Variants in CAMTA1 observed in about 807,000 individuals in gnomAD.
CAMTA1 encodes the protein calmodulin binding transcription activator 1, also known as calmodulin-binding transcription activator 1.
In CAMTA1, 27 loss-of-function variants were observed where a neutral mutation model predicts 170.9. That is an observed-to-expected ratio of 0.16 (90% CI 0.12 to 0.22). The LOEUF (loss-of-function observed/expected upper bound fraction) is 0.22. Ranked by LOEUF, CAMTA1 falls within the 10% of genes least tolerant of loss-of-function variation. The pLI, the probability that CAMTA1 is intolerant of heterozygous loss-of-function variation, is 1.00. For synonymous variants in CAMTA1, 833 were observed against 891.5 expected, an observed-to-expected ratio of 0.93 and a Z score of 1.17; for missense variants, 1,619 against 2,217.2, an observed-to-expected ratio of 0.73 and a Z score of 5.42.
chr1:7,092,177 G>T lies in CAMTA1; in HGVS notation c.302+806G>T, dbSNP rs1386512690. On this transcript the variant is annotated intron_variant, in intron 4 of 22. Transcript: ENST00000303635. This position sits in a 1 kb window ranked among gnomAD's most constrained non-coding sequence, Gnocchi z 5.0. ...CTGGCGGGGTGGTAGCTGGAGTGTG[G>T]TTTACACAGGATGCCTGGACTGCAG... 6.6e-6 allele frequency among the ~76,000 whole-genome samples: 1 copy of T among 152,206 alleles called. No individual in the cohort carries two copies. The highest frequency in any genetic ancestry group is 1.5e-5 in the Non-Finnish European group (1 of 68,038).
chr1:6,903,954 CTG>C (rs1356385502), intron 3 of CAMTA1, among the ~76,000 whole-genome samples: 2 of 152,254 alleles, frequency 1.3e-5, no homozygotes, highest in Non-Finnish European at 2.9e-5. Context: ...CATTACCACT[CTG>C]TTGACGATTC....
At chr1:7,476,178 G>A (rs1011126) in intron 6 of CAMTA1, among the ~76,000 whole-genome samples, 49,471 of 152,182 alleles carry the variant, frequency 0.33, 8,962 homozygotes, top group Middle Eastern at 0.46. Flanking sequence ...CTCGGCAGGG[G>A]ACACTGAGCC....
chr1:6,894,903 G>A (rs1021061358), intron 3 of CAMTA1, among the ~76,000 whole-genome samples: 20 of 152,204 alleles, frequency 1.3e-4, no homozygotes, highest in African/African-American at 4.3e-4. Context: ...CTGGTAAAAG[G>A]AAGCAGAAAA....
At chr1:7,391,690 G>A (rs2088737913) in intron 5 of CAMTA1, among the ~76,000 whole-genome samples, 1 of 151,832 alleles carries the variant, frequency 6.6e-6, no homozygotes, top group African/African-American at 2.4e-5. Context: ...CAGCCTCTGG[G>A]AATGAATGGC....
At chr1:6,967,267 G>A (rs76154655) in intron 3 of CAMTA1, among the ~76,000 whole-genome samples, 210 of 150,842 alleles carry the variant, frequency 1.4e-3, no homozygotes, top group African/African-American at 4.8e-3. Flanking sequence ...AAAAATCAGG[G>A]TTAAGCCCAT....
Position 7,766,559 on chromosome 1 carries a change from C to T in CAMTA1, c.*68C>T. The T allele has an allele frequency of 7.2e-7, 1 of 1,398,094 alleles. No homozygotes were observed. The highest frequency in any genetic ancestry group is 1.0e-6 in the Non-Finnish European group (1 of 984,150). The allele number at this position is 1,398,094 out of a possible 1,614,324, so 86.6% of individuals were successfully genotyped here. A position where few individuals can be genotyped will look rare whatever the true frequency, so the allele number is the denominator to read the frequency against. ...AGACTGTTTTCATTTCTGTTTTTAG[C>T]AGAGACATGCAACAACAACACACAC... On this transcript the variant is annotated 3_prime_UTR_variant, in exon 23 of 23. Transcript: ENST00000303635.
At chr1:6,828,011 A>G (rs1322011179) in intron 3 of CAMTA1, among the ~76,000 whole-genome samples, 1 of 152,176 alleles carries the variant, frequency 6.6e-6, no homozygotes, top group African/African-American at 2.4e-5. Context: ...TGTGTTTTCC[A>G]TCTCACTCCC....
At chr1:7,012,073 T>C (rs1282460226) in intron 3 of CAMTA1, among the ~76,000 whole-genome samples, 1 of 152,172 alleles carries the variant, frequency 6.6e-6, no homozygotes, top group Non-Finnish European at 1.5e-5. Flanking sequence ...ACCCAGCCCT[T>C]GCCTTGCCCC....
chr1:7,245,242 A>G lies in CAMTA1; in HGVS notation c.303-4249A>G, dbSNP rs560012955. ...CACACACACACACATACATACATAC[A>G]TACACACACATACATACAATGTCTA... On this transcript the variant is annotated intron_variant, in intron 4 of 22. Transcript: ENST00000303635. 1.2e-4 allele frequency among the ~76,000 whole-genome samples: 18 copies of G among 151,218 alleles called. 1 individual carries two copies. In the South Asian group the frequency reaches 3.1e-3, roughly 26 times the overall value.
intron 7 of CAMTA1, among the ~76,000 whole-genome samples, chr1:7,646,701 TG>T (rs1163522771): frequency 6.9e-6 from 1 of 145,596 alleles, no homozygotes; most frequent in Non-Finnish European, 1.5e-5. Context: ...GTGAAAGTCA[TG>T]GTGAGTTGGG....
intron 4 of CAMTA1, among the ~76,000 whole-genome samples, chr1:7,181,753 G>A (rs1652206821): frequency 7.7e-6 from 1 of 129,404 alleles, no homozygotes. Context: ...GATTTTGGAT[G>A]GATTGATTTA....
chr1:7,211,396 C>A (rs1215603465), intron 4 of CAMTA1, among the ~76,000 whole-genome samples: 1 of 152,178 alleles, frequency 6.6e-6, no homozygotes, highest in Non-Finnish European at 1.5e-5. Flanking sequence ...TCTTTCTAAC[C>A]AGTTCTTTCT....
chr1:6,872,771 T>G (rs1024530213), intron 3 of CAMTA1, among the ~76,000 whole-genome samples: 1 of 152,214 alleles, frequency 6.6e-6, no homozygotes, highest in Non-Finnish European at 1.5e-5. Flanking sequence ...AGAAATCATG[T>G]CCTTAAAAAA....
chr1:7,455,649 C>G lies in CAMTA1; in HGVS notation c.439-12181C>G, dbSNP rs1034841299. On this transcript the variant is annotated intron_variant, in intron 5 of 22. Transcript: ENST00000303635. This position sits in a 1 kb window ranked among gnomAD's most constrained non-coding sequence, Gnocchi z 5.0. ...ACATGTTGGAGTGTGCCGTGGATAC[C>G]TACGTGGCGTCACAGGTGCCTAGAG... Among the ~76,000 whole-genome samples, 2 of 152,198 alleles carry G rather than the reference C, an allele frequency of 1.3e-5. No homozygotes were observed. Among genetic ancestry groups the G allele is most frequent in the African/African-American group, 4.8e-5 (2 of 41,460 alleles).
Position 7,412,195 on chromosome 1 carries a change from C to T in CAMTA1, c.439-55635C>T, listed in dbSNP as rs555326551. On this transcript the variant is annotated intron_variant, in intron 5 of 22. Coordinates refer to ENST00000303635, the MANE Select transcript of CAMTA1 (RefSeq NM_015215.4). ...TGGGTTGGTTCCAAGTCTTTGCTATCGTGAATAGTGCTGCAATAAACATAC... is the reference window on the plus strand; with the variant it reads ...TGGGTTGGTTCCAAGTCTTTGCTATTGTGAATAGTGCTGCAATAAACATAC... Among the ~76,000 whole-genome samples, 228 of 152,010 alleles carry T rather than the reference C, an allele frequency of 1.5e-3. 1 individual carries two copies. The highest frequency in any genetic ancestry group is 4.8e-3 in the African/African-American group (199 of 41,466).
intron 6 of CAMTA1, among the ~76,000 whole-genome samples, chr1:7,506,550 A>G (rs1010137838): frequency 6.6e-6 from 1 of 152,094 alleles, no homozygotes; most frequent in African/African-American, 2.4e-5. Flanking sequence ...TAATGTACAC[A>G]TGCTCACAAG....
At position 7,338,216 on chromosome 1, in the gene CAMTA1, C is replaced by T. The variant is rs554797625; in HGVS notation, c.438+88590C>T. ...TTGGTACTCACCCAGCACCCAGTCC[C>T]GTTAGGTCCCAGAAAGAAGGATGCA... On this transcript the variant is annotated intron_variant, in intron 5 of 22. Transcript: ENST00000303635. Among the ~76,000 whole-genome samples the T allele has an allele frequency of 2.2e-3, 334 of 152,154 alleles. 1 individual carries two copies. The highest frequency in any genetic ancestry group is 7.7e-3 in the African/African-American group (319 of 41,480).
intron 5 of CAMTA1, among the ~76,000 whole-genome samples, chr1:7,323,645 C>T (rs1056617414): frequency 4.0e-5 from 6 of 151,672 alleles, no homozygotes; most frequent in Non-Finnish European, 8.8e-5. Flanking sequence ...GCCTCAGCCT[C>T]CTGAGTCGGT....
intron 6 of CAMTA1, among the ~76,000 whole-genome samples, chr1:7,531,090 T>C (rs1028215763): frequency 1.7e-4 from 26 of 149,118 alleles, no homozygotes; most frequent in African/African-American, 6.4e-4. Flanking sequence ...ATGCTGAGAT[T>C]ACAGGCATGA....
Sources: allele counts gnomAD v4.1 joint callset (sites outside exome capture counted in the v4.1 genomes callset), GRCh38; gene constraint gnomAD v4.1.1; non-coding constraint Gnocchi (gnomAD v3.1); transcripts MANE v1.5; gene names NCBI Gene and HGNC (gene_info 2026-07-23, HGNC 2026-07-21).